Variants in GDAP2 observed in about 807,000 individuals in gnomAD.
GDAP2 encodes the protein ganglioside-induced differentiation-associated protein 2.
In GDAP2, 51 loss-of-function variants were observed where a neutral mutation model predicts 67.0. The observed-to-expected ratio is 0.76, with a 90% confidence interval of 0.61 to 0.96. GDAP2 has a LOEUF of 0.96. Among genes scored for constraint, GDAP2 ranks in the 40% least tolerant of loss-of-function variants. The pLI, the probability that GDAP2 is intolerant of heterozygous loss-of-function variation, is 0.00. For missense variants in GDAP2, 547 were observed against 588.3 expected, an observed-to-expected ratio of 0.93 and a Z score of 0.73; for synonymous variants, 203 against 207.3, an observed-to-expected ratio of 0.98 and a Z score of 0.18.
chr1:117,906,418 G>C, intron 6 of GDAP2, 88 bp downstream of exon 6: 2 of 706,244 alleles, frequency 2.8e-6, no homozygotes, highest in Non-Finnish European at 4.9e-6. Flanking sequence ...TTGTCTGCTG[G>C]AAACTCAGTA....
chr1:117,886,739 A>G (rs1648870186), intron 9 of GDAP2, 86 bp from the exon 10 acceptor site: 1 of 756,260 alleles, frequency 1.3e-6, no homozygotes, highest in Admixed American at 2.2e-5. Context: ...AAAATATTCT[A>G]TGTGAATTTA....
Position 117,866,295 on chromosome 1 carries a change from G to A in GDAP2, c.*4274C>T, listed in dbSNP as rs965785861. ...GTGAGAATACAGCAAGAAGCCAGAA[G>A]AGGGCCCTCATCAGGAATTGCGCTG... On this transcript the variant is annotated 3_prime_UTR_variant, in exon 14 of 14. Transcript: ENST00000369443. The A allele has an allele frequency of 2.0e-5, 3 of 152,176 alleles. No homozygotes were observed. The highest frequency in any genetic ancestry group is 2.9e-5 in the Non-Finnish European group (2 of 68,046). The allele number at this position is 152,176 out of a possible 1,614,324, so 9.4% of individuals were successfully genotyped here. A position where few individuals can be genotyped will look rare whatever the true frequency, so the allele number is the denominator to read the frequency against.
rs187248162 is a variant in GDAP2, at chr1:117,911,471, A to G, written c.559+523T>C. ...GATTTAACTACTCAATGCATTAGCC[A>G]TACTTTCTAACTTAGCATCACTTTC... On this transcript the variant is annotated intron_variant, in intron 5 of 13. Coordinates refer to ENST00000369443, the MANE Select transcript of GDAP2 (RefSeq NM_017686.4). Among the ~76,000 whole-genome samples, 35 of 152,322 alleles carry G rather than the reference A, an allele frequency of 2.3e-4. 1 individual carries two copies. Among genetic ancestry groups the G allele is most frequent in the African/African-American group, 7.9e-4 (33 of 41,566 alleles).
At chr1:117,877,854 T>A (rs1276635871) in intron 13 of GDAP2, 155 bp downstream of exon 13, 1 of 1,273,668 alleles carries the variant, frequency 7.9e-7, no homozygotes, top group African/African-American at 1.5e-5. Context: ...AAAGTTATCA[T>A]AGGGAAAGTA....
intron 6 of GDAP2, among the ~76,000 whole-genome samples, chr1:117,899,593 T>C (rs1015700409): frequency 2.6e-5 from 4 of 152,162 alleles, no homozygotes; most frequent in Admixed American, 2.6e-4. Context: ...CGTTCAACCA[T>C]GTTTAGCTTC....
At chr1:117,916,057 A>G (rs966379686) in intron 3 of GDAP2, among the ~76,000 whole-genome samples, 8 of 152,242 alleles carry the variant, frequency 5.3e-5, no homozygotes, top group Non-Finnish European at 7.3e-5. Flanking sequence ...AATAAAAGAC[A>G]TACAGTTCTT....
chr1:117,875,588 C>T (rs1648430004), intron 13 of GDAP2, among the ~76,000 whole-genome samples: 1 of 152,192 alleles, frequency 6.6e-6, no homozygotes, highest in Non-Finnish European at 1.5e-5. Context: ...CTGGAAAAAC[C>T]TCTAGCATTC....
chr1:117,883,765 G>C, intron 10 of GDAP2, 138 bp from the exon 11 acceptor site: 2 of 562,062 alleles, frequency 3.6e-6, no homozygotes, highest in South Asian at 5.0e-5. Context: ...GGATAACTCA[G>C]AGTGATGAAT....
At chr1:117,915,680 C>G (rs558965317) in intron 3 of GDAP2, among the ~76,000 whole-genome samples, 8 of 152,130 alleles carry the variant, frequency 5.3e-5, no homozygotes, top group Admixed American at 1.3e-4. Flanking sequence ...CAGGTTCATA[C>G]AACAAACAAA....
At chr1:117,912,430 G>T in intron 4 of GDAP2, 100 bp downstream of exon 4, 1 of 1,042,004 alleles carries the variant, frequency 9.6e-7, no homozygotes, top group Non-Finnish European at 1.4e-6. Flanking sequence ...GACTTCCACT[G>T]CTAGGTTTTT....
At chr1:117,875,519 G>A (rs1648427532) in intron 13 of GDAP2, among the ~76,000 whole-genome samples, 1 of 152,210 alleles carries the variant, frequency 6.6e-6, no homozygotes, top group Non-Finnish European at 1.5e-5. Flanking sequence ...TCCTCACTGG[G>A]GCACTGCCTA....
chr1:117,901,150 T>C (rs1570981579), intron 6 of GDAP2, among the ~76,000 whole-genome samples: 1 of 152,338 alleles, frequency 6.6e-6, no homozygotes, highest in Middle Eastern at 3.4e-3. Flanking sequence ...GTTTTCAAGG[T>C]TCACCCATGT....
intron 1 of GDAP2, among the ~76,000 whole-genome samples, chr1:117,924,873 G>A (rs1650389567): frequency 6.6e-6 from 1 of 152,122 alleles, no homozygotes; most frequent in South Asian, 2.1e-4. Flanking sequence ...GCTGAACAGA[G>A]GACAAATGAA....
intron 8 of GDAP2, among the ~76,000 whole-genome samples, chr1:117,893,433 C>T (rs1649157765): frequency 6.6e-6 from 1 of 152,142 alleles, no homozygotes; most frequent in African/African-American, 2.4e-5. Flanking sequence ...GGTGACAAGG[C>T]AGTGCTACGA....
At chr1:117,927,800 CA>C (rs1650505465) in intron 1 of GDAP2, among the ~76,000 whole-genome samples, 1 of 152,172 alleles carries the variant, frequency 6.6e-6, no homozygotes, top group African/African-American at 2.4e-5. Flanking sequence ...AATTTAACAT[CA>C]TAATTCAAAA....
Position 117,912,592 on chromosome 1 carries a change from G to A in GDAP2, c.408C>T (p.Arg136=), listed in dbSNP as rs1244664423. ...IHTVGPKYKS[R]YRTAAESSLY... ...GGGAACTCTCAGCTGCTGTGCGATA[G>A]CGGCTTTTATATTTAGGTCCCACTG... Residue 136 remains arginine (R), a synonymous_variant, in exon 4 of 14, where the codon CGC becomes CGT. Coordinates refer to ENST00000369443, the MANE Select transcript of GDAP2 (RefSeq NM_017686.4). 1.9e-6 allele frequency: 3 copies of A among 1,613,450 alleles called. No individual in the cohort carries two copies. Among genetic ancestry groups the A allele is most frequent in the Admixed American group, 1.7e-5 (1 of 59,978 alleles).
At chr1:117,900,896 T>TA (rs1649446179) in intron 6 of GDAP2, among the ~76,000 whole-genome samples, 1 of 151,016 alleles carries the variant, frequency 6.6e-6, no homozygotes, top group Non-Finnish European at 1.5e-5. Flanking sequence ...CCGTCTCTAC[T>TA]AAAAATACAA....
chr1:117,922,606 G>A (rs975526076), intron 1 of GDAP2, among the ~76,000 whole-genome samples: 2 of 152,164 alleles, frequency 1.3e-5, no homozygotes, highest in Non-Finnish European at 1.5e-5. Flanking sequence ...GACATCACAT[G>A]TTGGCAGGTT....
At position 117,912,013 on chromosome 1, in the gene GDAP2, A is replaced by G; in HGVS notation, c.540T>C (p.Asp180=). The G allele has an allele frequency of 1.9e-6, 3 of 1,587,490 alleles. No individual in the cohort carries two copies. Among genetic ancestry groups the G allele is most frequent in the Non-Finnish European group, 2.6e-6 (3 of 1,155,836 alleles). ...NSAKRGYPLE[D]ATHIALRTVR... ...ACTTACGAAGTGCTATGTGTGTTGC[A>G]TCCTCTAAAGGATAACCACGTTTTG... Residue 180 remains aspartate (D), a synonymous_variant, in exon 5 of 14, where the codon GAT becomes GAC. Transcript: ENST00000369443.
Sources: allele counts gnomAD v4.1 joint callset (sites outside exome capture counted in the v4.1 genomes callset), GRCh38; gene constraint gnomAD v4.1.1; transcripts MANE v1.5; gene names NCBI Gene and HGNC (gene_info 2026-07-23, HGNC 2026-07-21).